Variants in TLN2 observed in about 807,000 individuals in gnomAD.
TLN2 encodes talin 2, also known as talin-2.
TLN2 carries 118 observed loss-of-function variants against 294.7 expected under a neutral mutation model. That is an observed-to-expected ratio of 0.40 (90% CI 0.34 to 0.47). TLN2 has a LOEUF of 0.47. Ranked by LOEUF, TLN2 falls within the 20% of genes least tolerant of loss-of-function variation. The probability of loss-of-function intolerance (pLI) is 0.84; values close to 1 mark genes in which losing one functional copy is unlikely to be tolerated. For synonymous variants in TLN2, 1,431 were observed against 1,304.5 expected, an observed-to-expected ratio of 1.10 and a Z score of -2.09; for missense variants, 3,083 against 3,282.2, an observed-to-expected ratio of 0.94 and a Z score of 1.48.
intron 1 of TLN2, among the ~76,000 whole-genome samples, chr15:62,562,398 T>C (rs1293219165): frequency 2.0e-5 from 3 of 152,172 alleles, no homozygotes; most frequent in African/African-American, 4.8e-5. Context: ...GTGTTTGGGT[T>C]ACTGCAGAAT....
intron 3 of TLN2, among the ~76,000 whole-genome samples, chr15:62,643,750 G>A (rs2051457168): frequency 6.6e-6 from 1 of 152,022 alleles, no homozygotes; most frequent in South Asian, 2.1e-4. Context: ...GCATCAGGAG[G>A]TGTGGAATTG....
At chr15:62,427,128 C>T (rs2034759477) in intron 1 of TLN2, among the ~76,000 whole-genome samples, 1 of 152,046 alleles carries the variant, frequency 6.6e-6, no homozygotes, top group Non-Finnish European at 1.5e-5. Flanking sequence ...ACTTCAGTGG[C>T]CAGCATCAGT....
intron 1 of TLN2, among the ~76,000 whole-genome samples, chr15:62,446,612 T>G (rs1566977739): frequency 6.6e-6 from 1 of 152,192 alleles, no homozygotes; most frequent in Non-Finnish European, 1.5e-5. Flanking sequence ...ATCTCTGGAC[T>G]TCAGTTTTCT....
intron 32 of TLN2, among the ~76,000 whole-genome samples, chr15:62,743,439 C>G (rs2061447202): frequency 6.6e-6 from 1 of 152,114 alleles, no homozygotes; most frequent in African/African-American, 2.4e-5. Flanking sequence ...TCTTTTTCCT[C>G]TGTTCTTAAT....
intron 1 of TLN2, among the ~76,000 whole-genome samples, chr15:62,526,446 A>G (rs1020273186): frequency 2.6e-5 from 4 of 152,292 alleles, no homozygotes; most frequent in African/African-American, 7.2e-5. Context: ...CTCTGACTCA[A>G]TGATATGCGT....
intron 4 of TLN2, 110 bp from the exon 5 acceptor site, chr15:62,649,974 G>A: frequency 9.7e-7 from 1 of 1,026,240 alleles, no homozygotes; most frequent in Non-Finnish European, 1.5e-6. Context: ...TTGCTGTCTG[G>A]TGAAGGAGAA....
intron 2 of TLN2, among the ~76,000 whole-genome samples, chr15:62,597,903 G>C (rs2046665646): frequency 6.8e-6 from 1 of 146,670 alleles, no homozygotes. Context: ...TGTCACATGA[G>C]TTCAGGTGTG....
intron 37 of TLN2, among the ~76,000 whole-genome samples, chr15:62,758,291 T>G (rs1450761568): frequency 6.6e-6 from 1 of 152,174 alleles, no homozygotes; most frequent in Non-Finnish European, 1.5e-5. Flanking sequence ...AGAATCCATT[T>G]CTGTGTTTCT....
At position 62,837,058 on chromosome 15, in the gene TLN2, T is replaced by C. The variant is rs2069748608; in HGVS notation, c.7374+985T>C. Among the ~76,000 whole-genome samples, 5 of 152,340 alleles carry C rather than the reference T, an allele frequency of 3.3e-5. No individual in the cohort carries two copies. In the South Asian group the frequency reaches 1.0e-3, roughly 32 times the overall value. On this transcript the variant is annotated intron_variant, in intron 57 of 58. Coordinates refer to ENST00000636159, the MANE Select transcript of TLN2 (RefSeq NM_015059.3). ...GTTTCCAATTTTCGAGATTTTTTTA[T>C]TGTAAGTGTTAAAATGTAGATTGTC...
At chr15:62,517,560 A>G in intron 1 of TLN2, among the ~76,000 whole-genome samples, 1 of 152,314 alleles carries the variant, frequency 6.6e-6, no homozygotes, top group South Asian at 2.1e-4. Context: ...TAATTATTCC[A>G]CACCCCCAAT....
At chr15:62,447,404 A>C (rs1448098766) in intron 1 of TLN2, among the ~76,000 whole-genome samples, 1 of 151,964 alleles carries the variant, frequency 6.6e-6, no homozygotes, top group South Asian at 2.1e-4. Flanking sequence ...GAGACAAGTG[A>C]ATGGAATGGA....
intron 32 of TLN2, among the ~76,000 whole-genome samples, chr15:62,745,476 A>G (rs1316607644): frequency 6.6e-6 from 1 of 152,182 alleles, no homozygotes; most frequent in African/African-American, 2.4e-5. Flanking sequence ...TTTTTCTTTC[A>G]AAATAACATT....
intron 22 of TLN2, among the ~76,000 whole-genome samples, chr15:62,713,802 G>A (rs1315394038): frequency 6.6e-6 from 1 of 151,792 alleles, no homozygotes; most frequent in South Asian, 2.1e-4. Context: ...GGGTGAAAGA[G>A]AGACCCAGGG....
intron 2 of TLN2, among the ~76,000 whole-genome samples, chr15:62,590,432 C>A (rs1405463600): frequency 6.6e-6 from 1 of 152,142 alleles, no homozygotes; most frequent in Admixed American, 6.5e-5. Flanking sequence ...GTTTTCTGTT[C>A]CTGTATTAGT....
At chr15:62,619,870 T>C (rs555191345) in intron 3 of TLN2, among the ~76,000 whole-genome samples, 1 of 152,138 alleles carries the variant, frequency 6.6e-6, no homozygotes, top group Non-Finnish European at 1.5e-5. Flanking sequence ...TTGTGGTCAT[T>C]TTTTTTAGCT....
At chr15:62,695,575 C>T (rs2058270701) in intron 14 of TLN2, among the ~76,000 whole-genome samples, 1 of 152,224 alleles carries the variant, frequency 6.6e-6, no homozygotes, top group Non-Finnish European at 1.5e-5. Context: ...AAAGTTCTAG[C>T]ATCTTCCAAT....
At chr15:62,774,824 ACTG>A (rs1321713438) in intron 42 of TLN2, among the ~76,000 whole-genome samples, 1 of 152,166 alleles carries the variant, frequency 6.6e-6, no homozygotes, top group Non-Finnish European at 1.5e-5. Context: ...TTTGTGATTT[ACTG>A]CTGCACCCAA....
chr15:62,635,271 C>G (rs2050266139), intron 3 of TLN2, among the ~76,000 whole-genome samples: 1 of 151,774 alleles, frequency 6.6e-6, no homozygotes, highest in Non-Finnish European at 1.5e-5. Flanking sequence ...AGAAAATAAT[C>G]TGAAATAAAA....
intron 3 of TLN2, chr15:62,638,359 A>C (rs2050621710): frequency 1.1e-5 from 4 of 363,446 alleles, no homozygotes; most frequent in South Asian, 4.2e-5. Context: ...CAGCAAATGC[A>C]CATATCCATT....
Sources: allele counts gnomAD v4.1 joint callset (sites outside exome capture counted in the v4.1 genomes callset), GRCh38; gene constraint gnomAD v4.1.1; transcripts MANE v1.5; gene names NCBI Gene and HGNC (gene_info 2026-07-23, HGNC 2026-07-21).